ZNF445: variants seen among roughly 807,000 people sequenced by gnomAD.
ZNF445 encodes zinc finger protein 168.
ZNF445 carries 19 observed loss-of-function variants against 93.9 expected under a neutral mutation model. The observed-to-expected ratio is 0.20, with a 90% confidence interval of 0.14 to 0.30. ZNF445 has a LOEUF of 0.30. Among genes scored for constraint, ZNF445 ranks in the 10% least tolerant of loss-of-function variants. ZNF445 has a pLI of 1.00. For missense variants in ZNF445, 1,058 were observed against 1,259.4 expected (o/e 0.84, Z 2.42); for synonymous variants, 449 against 446.3 (o/e 1.01, Z -0.08).
chr3:44,434,599 T>A lies in ZNF445; in HGVS notation c.*11976A>T, dbSNP rs1313367019. On this transcript the variant is annotated 3_prime_UTR_variant, in exon 8 of 8. Transcript: ENST00000396077. Reference sequence around the variant, plus strand: ...ATGGACCAGTGTGTCGTCCTGAGGGTGAAAAGGTTCTCAAAGGACCTGGGA... The same window carrying A: ...ATGGACCAGTGTGTCGTCCTGAGGGAGAAAAGGTTCTCAAAGGACCTGGGA... The A allele has an allele frequency of 6.6e-6, 1 of 151,888 alleles. No homozygotes were observed. The highest frequency in any genetic ancestry group is 1.5e-5 in the Non-Finnish European group (1 of 67,998). 9.4% of individuals were successfully genotyped at this position (151,888 alleles called of 1,614,324 possible).
intron 1 of ZNF445, among the ~76,000 whole-genome samples, chr3:44,459,278 C>A (rs1178903210): frequency 6.6e-6 from 1 of 151,940 alleles, no homozygotes; most frequent in Non-Finnish European, 1.5e-5. Flanking sequence ...GCTGCTCTGC[C>A]AAATAAATTG....
At chr3:44,466,062 T>C (rs1222035086) in intron 1 of ZNF445, among the ~76,000 whole-genome samples, 1 of 152,190 alleles carries the variant, frequency 6.6e-6, no homozygotes. Context: ...GTTTTCTCCT[T>C]TGGGTAAATG....
chr3:44,460,844 G>C (rs549279168), intron 1 of ZNF445, among the ~76,000 whole-genome samples: 13 of 152,284 alleles, frequency 8.5e-5, no homozygotes, highest in African/African-American at 3.1e-4. Flanking sequence ...TCCTTGGGCG[G>C]TTACAAATTT....
chr3:44,446,468 C>G lies in ZNF445; in HGVS notation c.*107G>C. The G allele has an allele frequency of 6.7e-7, 1 of 1,498,148 alleles. No homozygotes were observed. 92.8% of individuals were successfully genotyped at this position (1,498,148 alleles called of 1,614,324 possible). A position where few individuals can be genotyped will look rare whatever the true frequency, so the allele number is the denominator to read the frequency against. On this transcript the variant is annotated 3_prime_UTR_variant, in exon 8 of 8. Coordinates refer to ENST00000396077, the MANE Select transcript of ZNF445 (RefSeq NM_181489.6). The surrounding 1 kb of genome is among the most constrained non-coding windows in gnomAD (Gnocchi z 4.2). ...GGGATTCTGTCACTAGCTTCCAAAA[C>G]AGAAAGGGCTGGGCCCTTTATCAAA...
intron 1 of ZNF445, among the ~76,000 whole-genome samples, chr3:44,476,140 T>A (rs1376865992): frequency 6.6e-6 from 1 of 152,220 alleles, no homozygotes; most frequent in Non-Finnish European, 1.5e-5. Context: ...TTTCACATTG[T>A]TTCTAATACA....
intron 1 of ZNF445, among the ~76,000 whole-genome samples, chr3:44,467,337 T>C (rs779164953): frequency 1.3e-5 from 2 of 152,232 alleles, no homozygotes; most frequent in Admixed American, 1.3e-4. Context: ...GCAATAAGAA[T>C]CTGTTTTCTT....
At chr3:44,470,265 G>C (rs1435481424) in intron 1 of ZNF445, among the ~76,000 whole-genome samples, 1 of 152,178 alleles carries the variant, frequency 6.6e-6, no homozygotes, top group Non-Finnish European at 1.5e-5. Context: ...GAGAGAAACT[G>C]TGCACGACTG....
chr3:44,451,615 G>T, intron 3 of ZNF445, 133 bp from the exon 4 acceptor site: 2 of 1,008,666 alleles, frequency 2.0e-6, no homozygotes, highest in Non-Finnish European at 2.9e-6. Flanking sequence ...TTACTTCCAG[G>T]CAGGAGGAAA....
At chr3:44,461,185 G>C (rs145684310) in intron 1 of ZNF445, among the ~76,000 whole-genome samples, 1 of 152,204 alleles carries the variant, frequency 6.6e-6, no homozygotes, top group African/African-American at 2.4e-5. Flanking sequence ...TAGCCCTATG[G>C]TGTGGTGTCT....
At chr3:44,450,839 C>T (rs190161991) in intron 5 of ZNF445, 29 bp downstream of exon 5, 12 of 1,516,234 alleles carry the variant, frequency 7.9e-6, no homozygotes, top group Non-Finnish European at 1.1e-5. Flanking sequence ...GTGGGGACAT[C>T]AGGAAGGACC....
In ZNF445 at chr3:44,443,022, A is replaced by C. The variant is rs1460921055; in HGVS notation, c.*3553T>G. The C allele has an allele frequency of 6.6e-6, 1 of 152,254 alleles. No homozygotes were observed. Among genetic ancestry groups the C allele is most frequent in the Admixed American group, 6.5e-5 (1 of 15,282 alleles). The allele number at this position is 152,254 out of a possible 1,614,324, so 9.4% of individuals were successfully genotyped here. A position where few individuals can be genotyped will look rare whatever the true frequency, so the allele number is the denominator to read the frequency against. On this transcript the variant is annotated 3_prime_UTR_variant, in exon 8 of 8. Transcript: ENST00000396077. ...CTGGCTATGGAGATGGGCATAACCA[A>C]AAACACAAACATCACCTGACATAGG...
chr3:44,462,550 C>A (rs1384736433), intron 1 of ZNF445, among the ~76,000 whole-genome samples: 3 of 152,098 alleles, frequency 2.0e-5, no homozygotes, highest in African/African-American at 7.2e-5. Context: ...TGATTCCTGT[C>A]TGGTTTTTTA....
At position 44,454,891 on chromosome 3, in the gene ZNF445, TGCTGACCCTATCTGGA is replaced by T. The variant is rs1698006300; in HGVS notation, c.429+214_429+229del. The T allele has an allele frequency of 3.5e-5, 20 of 577,252 alleles. 1 individual carries two copies. The South Asian group carries it at 4.1e-4, about 12-fold the overall frequency. The allele number at this position is 577,252 out of a possible 1,614,324, so 35.8% of individuals were successfully genotyped here. ...GAAGTTGCTGTTATTTATGGAGACT[TGCTGACCCTATCTGGA>T]GCTGATATTCCTCTGGGAAGGTAGG... On this transcript the variant is annotated intron_variant, in intron 3 of 7. Transcript: ENST00000396077.
At position 44,455,193 on chromosome 3, in the gene ZNF445, G is replaced by A; in HGVS notation, c.357C>T (p.Asn119=). The change falls in exon 3 of 8, where the codon AAC becomes AAT. Residue 119 remains asparagine, a synonymous_variant. Coordinates refer to ENST00000396077, the MANE Select transcript of ZNF445 (RefSeq NM_181489.6). ...GELRVWVQLH[N]PESGEEAVAL... The stretch of plus-strand genomic sequence containing the variant: ...CCACAGCCTCCTCGCCACTCTCAGG[G>A]TTATGAAGCTGCACCCAAACCCGGA... 2 of 1,614,166 alleles carry A rather than the reference G, an allele frequency of 1.2e-6. No individual in the cohort carries two copies. The highest frequency in any genetic ancestry group is 1.1e-5 in the South Asian group (1 of 91,080).
At chr3:44,469,096 T>C (rs1008851697) in intron 1 of ZNF445, among the ~76,000 whole-genome samples, 23 of 149,228 alleles carry the variant, frequency 1.5e-4, no homozygotes, top group Non-Finnish European at 3.4e-4. Context: ...CTAAAAGGAA[T>C]GTACTAGAAT....
At chr3:44,454,967 T>C in intron 3 of ZNF445, 154 bp downstream of exon 3, 1 of 883,002 alleles carries the variant, frequency 1.1e-6, no homozygotes, top group South Asian at 1.7e-5. Context: ...TGGCTCAGGG[T>C]CCCGTTCTCA....
Position 44,447,607 on chromosome 3 carries a change from T to C in ZNF445, c.2064A>G (p.Lys688=). The change falls in exon 8 of 8, where the codon AAA becomes AAG. Residue 688 remains lysine (K), a synonymous_variant. Transcript: ENST00000396077. This position sits in a 1 kb window ranked among gnomAD's most constrained non-coding sequence, Gnocchi z 4.7. The stretch of plus-strand genomic sequence containing the variant: ...CGAGAGTTTTCTTTCTAGTAAAAGT[T>C]TTCCCACACTGCTGACACAGAAATG... ...EKTFLCQQCG[K]TFTRKKTLVD... 6.2e-7 allele frequency: 1 copy of C among 1,614,184 alleles called. No individual in the cohort carries two copies. Among genetic ancestry groups the C allele is most frequent in the Non-Finnish European group, 8.5e-7 (1 of 1,180,036 alleles).
At chr3:44,454,389 A>C in intron 3 of ZNF445, among the ~76,000 whole-genome samples, 1 of 152,114 alleles carries the variant, frequency 6.6e-6, no homozygotes, top group East Asian at 1.9e-4. Context: ...TAATATGTGG[A>C]GATGGACTTT....
At chr3:44,458,715 CT>C (rs1053685058) in intron 1 of ZNF445, among the ~76,000 whole-genome samples, 1 of 152,048 alleles carries the variant, frequency 6.6e-6, no homozygotes, top group Non-Finnish European at 1.5e-5. Flanking sequence ...TCACCTGCTC[CT>C]TTTTCTCCCC....
Sources: allele counts gnomAD v4.1 joint callset (sites outside exome capture counted in the v4.1 genomes callset), GRCh38; gene constraint gnomAD v4.1.1; non-coding constraint Gnocchi (gnomAD v3.1); transcripts MANE v1.5; gene names NCBI Gene and HGNC (gene_info 2026-07-23, HGNC 2026-07-21).